The following GALNT17 variants were observed in gnomAD, a reference collection of about 807,000 sequenced individuals.
GALNT17 encodes UDP-GalNAc:polypeptide N-acetylgalactosaminyltransferase-like 3.
GALNT17 carries 29 observed loss-of-function variants against 63.7 expected under a neutral mutation model. The observed-to-expected ratio is 0.46, with a 90% CI of 0.34 to 0.62. The LOEUF is 0.62. Among genes scored for constraint, GALNT17 ranks in the 20% least tolerant of loss-of-function variants. The pLI, the probability that GALNT17 is intolerant of heterozygous loss-of-function variation, is 0.01. For missense variants in GALNT17, 603 were observed against 799.6 expected, an observed-to-expected ratio of 0.75 and a Z score of 2.97; for synonymous variants, 305 against 318.3, an observed-to-expected ratio of 0.96 and a Z score of 0.45.
Position 71,523,537 on chromosome 7 carries a change from T to C in GALNT17, c.963-47748T>C, listed in dbSNP as rs562657909. Among the ~76,000 whole-genome samples the C allele has an allele frequency of 3.3e-5, 5 of 151,832 alleles. No homozygotes were observed. In the East Asian group the frequency reaches 9.8e-4, roughly 30 times the overall value. On this transcript the variant is annotated intron_variant, in intron 5 of 10. Coordinates refer to ENST00000333538, the MANE Select transcript of GALNT17 (RefSeq NM_022479.3). ...TGGGAGGCTGAGGCAGGCAGATAAC[T>C]TGAGGCCAGGAGTTTGAGATCAGCC... is the stretch of plus-strand genomic sequence containing the variant.
At chr7:71,381,507 G>A (rs1045710597) in intron 2 of GALNT17, among the ~76,000 whole-genome samples, 2 of 152,120 alleles carry the variant, frequency 1.3e-5, no homozygotes, top group Non-Finnish European at 2.9e-5. Flanking sequence ...GGCCAGGTGC[G>A]GGGGCTCAGG....
At chr7:71,465,814 AG>A (rs1787525969) in intron 5 of GALNT17, among the ~76,000 whole-genome samples, 1 of 152,228 alleles carries the variant, frequency 6.6e-6, no homozygotes, top group African/African-American at 2.4e-5. Flanking sequence ...GGCCAAAAAC[AG>A]GTTATGGTGG....
At chr7:71,706,209 A>G (rs1171319043) in intron 9 of GALNT17, among the ~76,000 whole-genome samples, 1 of 152,156 alleles carries the variant, frequency 6.6e-6, no homozygotes, top group Non-Finnish European at 1.5e-5. Flanking sequence ...TTTCAGTGAG[A>G]TAAACACCTT....
chr7:71,555,868 C>T (rs190000744), intron 5 of GALNT17, among the ~76,000 whole-genome samples: 1 of 152,244 alleles, frequency 6.6e-6, no homozygotes, highest in East Asian at 1.9e-4. Context: ...TGCTTTCTGT[C>T]TCTGATGCAC....
At chr7:71,519,935 TAAGAG>T (rs1278020361) in intron 5 of GALNT17, among the ~76,000 whole-genome samples, 1 of 152,108 alleles carries the variant, frequency 6.6e-6, no homozygotes, top group Non-Finnish European at 1.5e-5. Context: ...AATAAAATAA[TAAGAG>T]AGAAAGAAGG....
chr7:71,423,096 A>G lies in GALNT17; in HGVS notation c.962+1991A>G, dbSNP rs529968506. Reference sequence around the variant, plus strand: ...CGTCCAGCCGCTTGTGTCTGTGCCCACTGTGGTCCCGGGTTTTTATGGGCA... The same window carrying G: ...CGTCCAGCCGCTTGTGTCTGTGCCCGCTGTGGTCCCGGGTTTTTATGGGCA... On this transcript the variant is annotated intron_variant, in intron 5 of 10. Coordinates refer to ENST00000333538, the MANE Select transcript of GALNT17 (RefSeq NM_022479.3). Among the ~76,000 whole-genome samples the G allele has an allele frequency of 2.5e-4, 38 of 152,214 alleles. 4 individuals carry two copies. In the East Asian group the frequency reaches 2.9e-3, roughly 12 times the overall value.
intron 6 of GALNT17, among the ~76,000 whole-genome samples, chr7:71,628,582 G>A (rs1048049650): frequency 1.3e-5 from 2 of 152,044 alleles, no homozygotes; most frequent in African/African-American, 4.8e-5. Flanking sequence ...CTTGGCCTCC[G>A]AAAGTGCTGG....
intron 1 of GALNT17, among the ~76,000 whole-genome samples, chr7:71,315,769 G>C (rs1179598944): frequency 1.3e-5 from 2 of 152,072 alleles, no homozygotes; most frequent in African/African-American, 4.8e-5. Flanking sequence ...GGCAGGTGCA[G>C]AGTGCTGTGA....
At chr7:71,511,735 G>A (rs1186339371) in intron 5 of GALNT17, among the ~76,000 whole-genome samples, 1 of 152,122 alleles carries the variant, frequency 6.6e-6, no homozygotes, top group Non-Finnish European at 1.5e-5. Context: ...GCCCCCTATA[G>A]TTGGGCAGTG....
At chr7:71,512,260 C>A (rs994540670) in intron 5 of GALNT17, among the ~76,000 whole-genome samples, 1 of 152,098 alleles carries the variant, frequency 6.6e-6, no homozygotes, top group Admixed American at 6.5e-5. Flanking sequence ...CCGCCTCACT[C>A]CTCCCAAAGT....
At chr7:71,154,283 G>A (rs931346964) in intron 1 of GALNT17, among the ~76,000 whole-genome samples, 2 of 152,164 alleles carry the variant, frequency 1.3e-5, no homozygotes, top group African/African-American at 4.8e-5. Context: ...GTTTGTGTCT[G>A]TTCAGCGCAG....
At chr7:71,543,099 G>T (rs1303386322) in intron 5 of GALNT17, among the ~76,000 whole-genome samples, 1 of 151,188 alleles carries the variant, frequency 6.6e-6, no homozygotes, top group African/African-American at 2.4e-5. Context: ...TTTGATCAGA[G>T]AATTTCAGTA....
intron 5 of GALNT17, among the ~76,000 whole-genome samples, chr7:71,482,715 C>T (rs891419315): frequency 5.3e-5 from 8 of 152,140 alleles, no homozygotes; most frequent in African/African-American, 1.7e-4. Context: ...AAAGCAGCAG[C>T]CCCCAATCTT....
chr7:71,689,923 A>G (rs2117092125), intron 9 of GALNT17, among the ~76,000 whole-genome samples: 1 of 152,304 alleles, frequency 6.6e-6, no homozygotes, highest in African/African-American at 2.4e-5. Flanking sequence ...TAGGGCCCTT[A>G]AGAATGATGC....
chr7:71,701,836 T>A (rs1791644713), intron 9 of GALNT17, among the ~76,000 whole-genome samples: 2 of 67,882 alleles, frequency 2.9e-5, no homozygotes, highest in Non-Finnish European at 4.7e-5. Flanking sequence ...TACACATATA[T>A]ATATGTGTAT....
chr7:71,388,881 G>T (rs954044735), intron 3 of GALNT17, among the ~76,000 whole-genome samples: 1 of 152,014 alleles, frequency 6.6e-6, no homozygotes, highest in African/African-American at 2.4e-5. Context: ...TATTCCTTGA[G>T]TCCTCTAGAG....
rs139538701 is a variant in GALNT17 at position 71,521,689 on chromosome 7, A to G, written c.963-49596A>G. ...GGCCCTGAGCCCAGTGGATTTCACC[A>G]TGCTGGGTTGCTCATAAAAAATGGT... is the stretch of plus-strand genomic sequence containing the variant. On this transcript the variant is annotated intron_variant, in intron 5 of 10. Transcript: ENST00000333538. 6.9e-3 allele frequency among the ~76,000 whole-genome samples: 1,048 copies of G among 152,268 alleles called. 11 individuals carry two copies. Among genetic ancestry groups the G allele is most frequent in the African/African-American group, 0.023 (963 of 41,554 alleles).
Position 71,242,958 on chromosome 7 carries a change from G to A in GALNT17, c.239-92592G>A, listed in dbSNP as rs141618702. Among the ~76,000 whole-genome samples the A allele has an allele frequency of 5.3e-4, 80 of 152,298 alleles. 2 individuals carry two copies. The East Asian group carries it at 0.01, about 20-fold the overall frequency. On this transcript the variant is annotated intron_variant, in intron 1 of 10. Coordinates refer to ENST00000333538, the MANE Select transcript of GALNT17 (RefSeq NM_022479.3). Reference sequence around the variant, plus strand: ...GCCATTAGAATCTTAGAGTTGGGAAGAATATTCTAGATAACCTATCTGGTC... The same window carrying A: ...GCCATTAGAATCTTAGAGTTGGGAAAAATATTCTAGATAACCTATCTGGTC...
intron 1 of GALNT17, among the ~76,000 whole-genome samples, chr7:71,206,647 A>G (rs374024923): frequency 6.6e-6 from 1 of 151,912 alleles, no homozygotes; most frequent in Admixed American, 6.6e-5. Flanking sequence ...GGGAAGTTTT[A>G]TTGTCAGGGC....
Sources: gnomAD v4.1 joint callset for allele counts (sites outside exome capture counted in the v4.1 genomes callset) on GRCh38, gnomAD v4.1.1 for gene constraint, MANE v1.5 for transcripts, NCBI Gene and HGNC (gene_info 2026-07-23, HGNC 2026-07-21) for gene names.